The following LTBP1 variants were observed in gnomAD, a reference collection of about 807,000 sequenced individuals.
LTBP1 encodes latent transforming growth factor beta binding protein 1.
LTBP1 carries 129 observed loss-of-function variants against 207.6 expected under a neutral mutation model. The ratio of observed to expected loss-of-function variants is 0.62; its 90% CI spans 0.54 to 0.72. The LOEUF (loss-of-function observed/expected upper bound fraction) is 0.72. LTBP1 is among the 30% of genes least tolerant of loss of function. The pLI is 0.00. For missense variants in LTBP1, 2,281 were observed against 2,217.2 expected (o/e 1.03, Z -0.58); for synonymous variants, 963 against 833.7 (o/e 1.16, Z -2.67).
chr2:32,985,191 C>A (rs115940453), intron 2 of LTBP1, among the ~76,000 whole-genome samples: 64 of 152,262 alleles, frequency 4.2e-4, no homozygotes, highest in Non-Finnish European at 8.5e-4. Context: ...TACTTTTGAA[C>A]AAGTGATGTC....
In LTBP1 at chr2:33,220,845, T is replaced by G. The variant is rs534397602; in HGVS notation, c.1805-1235T>G. Among the ~76,000 whole-genome samples the G allele has an allele frequency of 2.0e-5, 3 of 152,304 alleles. No homozygotes were observed. The East Asian group carries it at 5.8e-4, about 29-fold the overall frequency. On this transcript the variant is annotated intron_variant, in intron 8 of 33. Coordinates refer to ENST00000404816, the MANE Select transcript of LTBP1 (RefSeq NM_206943.4). ...CTTTCCCAGATGCCTCACTCTGATC[T>G]TCTCTTTTAGGCATTCGGGGGAATC...
In LTBP1 at chr2:33,273,795, T is replaced by C; in HGVS notation, c.2743+14T>C. On this transcript the variant is annotated intron_variant, in intron 16 of 33. Transcript: ENST00000404816. ...GGAAATGTGTGGGTAAGAGACAATTTGATTGACTAAATTATTAAATATCAA... is the reference window on the plus strand; with the variant it reads ...GGAAATGTGTGGGTAAGAGACAATTCGATTGACTAAATTATTAAATATCAA... 6.3e-7 allele frequency: 1 copy of C among 1,577,948 alleles called. No homozygotes were observed. The highest frequency in any genetic ancestry group is 8.6e-7 in the Non-Finnish European group (1 of 1,165,966).
intron 2 of LTBP1, among the ~76,000 whole-genome samples, chr2:32,997,511 C>T (rs1304923239): frequency 6.6e-6 from 1 of 152,010 alleles, no homozygotes; most frequent in Non-Finnish European, 1.5e-5. Context: ...CTTTAAAAAA[C>T]AAAACAAAAG....
At position 33,275,898 on chromosome 2, in the gene LTBP1, C is replaced by T; in HGVS notation, c.2967C>T (p.Arg989=). 1 of 1,602,860 alleles carries T rather than the reference C, an allele frequency of 6.2e-7. No homozygotes were observed. Reference sequence around the variant, plus strand: ...GTGAATACTGTGACAGCGGGTACCGCATGACTCAGAGAGGCCGTTGTGAGG... The same window carrying T: ...GTGAATACTGTGACAGCGGGTACCGTATGACTCAGAGAGGCCGTTGTGAGG... The part of the protein sequence containing the change: ...FRCEYCDSGY[R]MTQRGRCEDI... The change falls in exon 18 of 34, where the codon CGC becomes CGT. Residue 989 remains arginine, a synonymous_variant. Transcript: ENST00000404816.
At chr2:33,380,157 G>GA (rs1021597556) in intron 31 of LTBP1, among the ~76,000 whole-genome samples, 4 of 152,094 alleles carry the variant, frequency 2.6e-5, no homozygotes, top group Non-Finnish European at 4.4e-5. Context: ...TCATCATTCT[G>GA]AAAAATATCT....
intron 3 of LTBP1, among the ~76,000 whole-genome samples, chr2:33,100,309 A>C (rs1031114862): frequency 1.3e-5 from 2 of 152,052 alleles, no homozygotes; most frequent in African/African-American, 4.8e-5. Context: ...CCTAGCTGCT[A>C]CTCCAGAATT....
At chr2:33,219,389 ATAGCTATGATGCATTTGGT>A (rs1207108065) in intron 8 of LTBP1, among the ~76,000 whole-genome samples, 2 of 152,190 alleles carry the variant, frequency 1.3e-5, no homozygotes, top group Non-Finnish European at 2.9e-5. Context: ...GACCAAAGGG[ATAGCTATGATGCATTTGGT>A]TTGATTTAAA....
chr2:33,203,014 T>C (rs2089486603), intron 7 of LTBP1, among the ~76,000 whole-genome samples: 13 of 152,222 alleles, frequency 8.5e-5, no homozygotes, highest in Admixed American at 8.5e-4. Flanking sequence ...TTCTTCAGTG[T>C]CCCACTCAAG....
chr2:33,132,927 CA>C (rs759828737), intron 4 of LTBP1, among the ~76,000 whole-genome samples: 25 of 152,190 alleles, frequency 1.6e-4, no homozygotes, highest in Non-Finnish European at 3.1e-4. Flanking sequence ...CATGGGGAAC[CA>C]AATTAGGATT....
intron 7 of LTBP1, among the ~76,000 whole-genome samples, chr2:33,202,989 A>G (rs2089485090): frequency 1.3e-5 from 2 of 152,234 alleles, no homozygotes; most frequent in African/African-American, 4.8e-5. Context: ...GGCACTTCCT[A>G]TGCCATCTGG....
At chr2:32,960,100 C>T (rs1378800570) in intron 2 of LTBP1, among the ~76,000 whole-genome samples, 1 of 152,120 alleles carries the variant, frequency 6.6e-6, no homozygotes, top group African/African-American at 2.4e-5. Context: ...TACAATGATT[C>T]AAGGGTGAGG....
chr2:33,193,123 A>G (rs775835601), intron 7 of LTBP1, among the ~76,000 whole-genome samples: 1 of 152,092 alleles, frequency 6.6e-6, no homozygotes, highest in East Asian at 1.9e-4. Context: ...GGGATTATGT[A>G]GGAAAATATC....
chr2:33,229,199 A>G (rs2367509), intron 9 of LTBP1, among the ~76,000 whole-genome samples: 76,473 of 152,104 alleles, frequency 0.5, 19,595 homozygotes, highest in Non-Finnish European at 0.56. Flanking sequence ...GCCAGATGTA[A>G]TGGCTCATGC....
At chr2:33,340,854 TA>T (rs554704585) in intron 24 of LTBP1, among the ~76,000 whole-genome samples, 91 of 152,348 alleles carry the variant, frequency 6.0e-4, no homozygotes, top group African/African-American at 2.0e-3. Context: ...TTGATACTAT[TA>T]TTTCCATTTA....
chr2:33,224,977 T>G (rs928439901), intron 9 of LTBP1, among the ~76,000 whole-genome samples: 9 of 152,340 alleles, frequency 5.9e-5, no homozygotes, highest in African/African-American at 1.9e-4. Context: ...AGATGCATAC[T>G]TAGGTCATTG....
intron 5 of LTBP1, among the ~76,000 whole-genome samples, chr2:33,166,260 C>T (rs186041236): frequency 2.6e-5 from 4 of 152,114 alleles, no homozygotes; most frequent in African/African-American, 9.6e-5. Flanking sequence ...ATTAAAACCT[C>T]ATAGGGTTGC....
intron 3 of LTBP1, among the ~76,000 whole-genome samples, chr2:33,021,719 A>G (rs1433762054): frequency 6.6e-6 from 1 of 152,142 alleles, no homozygotes; most frequent in Non-Finnish European, 1.5e-5. Flanking sequence ...TGTTAACACC[A>G]TGTTTATCTC....
At chr2:33,184,920 A>G (rs1427767579) in intron 5 of LTBP1, among the ~76,000 whole-genome samples, 2 of 152,094 alleles carry the variant, frequency 1.3e-5, no homozygotes, top group Non-Finnish European at 2.9e-5. Flanking sequence ...TTGTAATGCC[A>G]TAAGATGCAT....
intron 24 of LTBP1, among the ~76,000 whole-genome samples, chr2:33,338,482 C>T: frequency 6.6e-6 from 1 of 152,230 alleles, no homozygotes; most frequent in Non-Finnish European, 1.5e-5. Context: ...TCCTTCCACT[C>T]ATTTTAGTAG....
Sources: allele counts gnomAD v4.1 joint callset (sites outside exome capture counted in the v4.1 genomes callset), GRCh38; gene constraint gnomAD v4.1.1; transcripts MANE v1.5; gene names NCBI Gene and HGNC (gene_info 2026-07-23, HGNC 2026-07-21).